The following KDM2A variants were observed in gnomAD, a reference collection of about 807,000 sequenced individuals.
The protein encoded by KDM2A is lysine demethylase 2A, also known as lysine-specific demethylase 2A.
KDM2A carries 3 observed loss-of-function variants against 137.3 expected under a neutral mutation model. The ratio of observed to expected loss-of-function variants is 0.02; its 90% CI spans 0.01 to 0.06. The LOEUF (loss-of-function observed/expected upper bound fraction) is 0.06, where lower values mean the gene tolerates loss of function less well. Ranked by LOEUF, KDM2A falls within the 10% of genes least tolerant of loss-of-function variation. KDM2A has a pLI of 1.00. For synonymous variants in KDM2A, 512 were observed against 541.5 expected, an observed-to-expected ratio of 0.95 and a Z score of 0.76; for missense variants, 738 against 1,510.6, an observed-to-expected ratio of 0.49 and a Z score of 8.48.
chr11:67,147,699 A>G (rs1233373467), intron 2 of KDM2A, among the ~76,000 whole-genome samples: 1 of 149,112 alleles, frequency 6.7e-6, no homozygotes, highest in African/African-American at 2.5e-5. Context: ...TTTTTTTGAG[A>G]TGGAGTCTTG....
In KDM2A at chr11:67,207,490, C is replaced by T. The variant is rs201296173; in HGVS notation, c.308-20C>T. 6.6e-5 allele frequency: 103 copies of T among 1,562,530 alleles called. 1 individual carries two copies. In the Admixed American group the frequency reaches 1.2e-3, roughly 18 times the overall value. ...ATATTAGTGGCTCGATAGAGATGAT[C>T]GATGCATCTTTTATGGCAGGGAGTC... On this transcript the variant is annotated intron_variant, in intron 5 of 20. Transcript: ENST00000529006.
intron 12 of KDM2A, among the ~76,000 whole-genome samples, chr11:67,241,202 G>C (rs933713697): frequency 6.6e-6 from 1 of 152,094 alleles, no homozygotes; most frequent in African/African-American, 2.4e-5. Context: ...ATTTTGAATG[G>C]ACCTGAATTT....
intron 2 of KDM2A, among the ~76,000 whole-genome samples, chr11:67,173,182 G>T (rs991135484): frequency 1.3e-5 from 2 of 152,122 alleles, no homozygotes. Context: ...GAGTGCAGTG[G>T]CGCGATCTCA....
At chr11:67,157,193 G>C (rs886177033) in intron 2 of KDM2A, among the ~76,000 whole-genome samples, 1 of 148,966 alleles carries the variant, frequency 6.7e-6, no homozygotes, top group Non-Finnish European at 1.5e-5. Flanking sequence ...GGTGCCTGTA[G>C]TCCCAGCTAC....
chr11:67,215,241 G>T (rs531978250), intron 6 of KDM2A, 99 bp from the exon 7 acceptor site: 4 of 664,412 alleles, frequency 6.0e-6, no homozygotes, highest in Admixed American at 2.7e-5. Flanking sequence ...ATAGTTTTTT[G>T]TTATGTATTT....
intron 12 of KDM2A, among the ~76,000 whole-genome samples, chr11:67,238,698 C>G (rs1394784112): frequency 6.6e-6 from 1 of 152,196 alleles, no homozygotes; most frequent in Non-Finnish European, 1.5e-5. Flanking sequence ...ACTCAAACAA[C>G]TGTCCTGGAA....
At chr11:67,134,181 T>C (rs1855921973) in intron 2 of KDM2A, among the ~76,000 whole-genome samples, 1 of 152,206 alleles carries the variant, frequency 6.6e-6, no homozygotes, top group Non-Finnish European at 1.5e-5. Flanking sequence ...GATGAGGCTT[T>C]AGACAGTTGG....
At chr11:67,191,174 C>G (rs552222047) in intron 5 of KDM2A, among the ~76,000 whole-genome samples, 1 of 152,118 alleles carries the variant, frequency 6.6e-6, no homozygotes, top group African/African-American at 2.4e-5. Context: ...TCCCAAGTAG[C>G]TGGGATTATG....
rs1179211680 is a variant in KDM2A at position 67,245,230 on chromosome 11, C to A, written c.1605C>A (p.Ile535=). The part of the protein sequence containing the change: ...PTRPKVRVPT[I]PITKPHTMKP... ...GGCCAAAGGTGCGGGTTCCTACCATCCCCATTACGAAGCCTCACACTATGA... is the reference window on the plus strand; with the variant it reads ...GGCCAAAGGTGCGGGTTCCTACCATACCCATTACGAAGCCTCACACTATGA... The change falls in exon 14 of 21, where the codon ATC becomes ATA. Residue 535 remains isoleucine (I), a synonymous_variant. Coordinates refer to ENST00000529006, the MANE Select transcript of KDM2A (RefSeq NM_012308.3). The surrounding 1 kb of genome is among the most constrained non-coding windows in gnomAD (Gnocchi z 4.1). The A allele has an allele frequency of 6.2e-7, 1 of 1,614,008 alleles. No homozygotes were observed. The highest frequency in any genetic ancestry group is 2.2e-5 in the East Asian group (1 of 44,888).
chr11:67,203,176 T>C (rs1370323876), intron 5 of KDM2A, among the ~76,000 whole-genome samples: 6 of 152,118 alleles, frequency 3.9e-5, no homozygotes, highest in Non-Finnish European at 7.4e-5. Context: ...AGATGATTGT[T>C]AGCATTTTTA....
At position 67,207,841 on chromosome 11, in the gene KDM2A, A is replaced by G. The variant is rs574570139; in HGVS notation, c.486+153A>G. Among the ~76,000 whole-genome samples the G allele has an allele frequency of 1.4e-4, 22 of 152,212 alleles. No homozygotes were observed. In the East Asian group the frequency reaches 4.1e-3, roughly 28 times the overall value. ...GGAGTTTGAGAGCAGCCGGGGCAACATGGTGAAACCACATCTCTACAAAAA... is the reference window on the plus strand; with the variant it reads ...GGAGTTTGAGAGCAGCCGGGGCAACGTGGTGAAACCACATCTCTACAAAAA... On this transcript the variant is annotated intron_variant, in intron 6 of 20. Coordinates refer to ENST00000529006, the MANE Select transcript of KDM2A (RefSeq NM_012308.3).
At chr11:67,150,603 A>G (rs767474056) in intron 2 of KDM2A, among the ~76,000 whole-genome samples, 21 of 152,184 alleles carry the variant, frequency 1.4e-4, no homozygotes, top group Non-Finnish European at 2.2e-4. Flanking sequence ...TCAAGAGGAA[A>G]GGGCTGGCCA....
At chr11:67,247,617 G>A (rs1859290161) in intron 15 of KDM2A, among the ~76,000 whole-genome samples, 1 of 151,254 alleles carries the variant, frequency 6.6e-6, no homozygotes, top group Admixed American at 6.6e-5. Flanking sequence ...TAGAGTTGGG[G>A]TTTCACCATG....
intron 5 of KDM2A, among the ~76,000 whole-genome samples, chr11:67,205,016 C>T (rs1857760036): frequency 1.3e-5 from 2 of 152,106 alleles, no homozygotes; most frequent in Non-Finnish European, 1.5e-5. Context: ...TAGATATATG[C>T]CTAGAAGTGG....
intron 13 of KDM2A, among the ~76,000 whole-genome samples, chr11:67,244,810 C>T (rs1473909845): frequency 1.3e-5 from 2 of 151,776 alleles, no homozygotes; most frequent in Non-Finnish European, 2.9e-5. Flanking sequence ...ATGGTGAAAC[C>T]CCGTCTCTAC....
Position 67,243,069 on chromosome 11 carries a change from G to A in KDM2A, c.1540G>A (p.Val514Ile), listed in dbSNP as rs1859098173. 1 of 1,613,114 alleles carries A rather than the reference G, an allele frequency of 6.2e-7. No homozygotes were observed. The highest frequency in any genetic ancestry group is 1.1e-5 in the South Asian group (1 of 91,074). ...GTTAGCCCTCACTGGAGTTCCTATA[G>A]TACAGTGGCCAAAAAGGGATAAGGT... The part of the protein sequence containing the change: ...PKLALTGVPI[V>I]QWPKRDKLKF... Residue 514 changes from valine (V) to isoleucine (I), a missense_variant, in exon 13 of 21, where the codon GTA becomes ATA. Around this residue, in one of 9 missense-constraint regions of KDM2A, gnomAD observed 71 missense variants for 147.9 expected, o/e 0.48. Transcript: ENST00000529006.
intron 16 of KDM2A, among the ~76,000 whole-genome samples, chr11:67,249,800 AC>A (rs974920793): frequency 3.3e-5 from 5 of 152,152 alleles, no homozygotes; most frequent in African/African-American, 1.2e-4. Context: ...AAACAGAAAT[AC>A]GTCTCTTGGG....
intron 2 of KDM2A, among the ~76,000 whole-genome samples, chr11:67,141,565 G>A (rs1856098199): frequency 6.7e-6 from 1 of 149,694 alleles, no homozygotes; most frequent in African/African-American, 2.5e-5. Context: ...TGCTCGGGAG[G>A]CTAAGGCAGG....
intron 2 of KDM2A, among the ~76,000 whole-genome samples, chr11:67,140,552 G>C (rs941374636): frequency 6.6e-6 from 1 of 152,062 alleles, no homozygotes; most frequent in Non-Finnish European, 1.5e-5. Flanking sequence ...AGGAGTTTGA[G>C]ACCAGCCTGG....
Sources: gnomAD v4.1 joint callset for allele counts (sites outside exome capture counted in the v4.1 genomes callset) on GRCh38, gnomAD v4.1.1 for gene constraint, gnomAD v4.1.1 regional missense constraint, Gnocchi (gnomAD v3.1) non-coding constraint, MANE v1.5 for transcripts, NCBI Gene and HGNC (gene_info 2026-07-23, HGNC 2026-07-21) for gene names.